The following ACTG2 variants were observed in gnomAD, a reference collection of about 807,000 sequenced individuals.
ACTG2 encodes actin, gamma-enteric smooth muscle.
A neutral mutation model predicts 37.6 loss-of-function variants in ACTG2; 16 were observed. The observed-to-expected ratio is 0.43, with a 90% CI of 0.29 to 0.65. The LOEUF (loss-of-function observed/expected upper bound fraction) is 0.65. Ranked by LOEUF, ACTG2 falls within the 30% of genes least tolerant of loss-of-function variation. The probability of loss-of-function intolerance (pLI) is 0.18; values close to 1 mark genes in which losing one functional copy is unlikely to be tolerated. For missense variants in ACTG2, 238 were observed against 490.9 expected (o/e 0.48, Z 4.87); for synonymous variants, 181 against 179.9 (o/e 1.01, Z -0.05).
At chr2:73,902,303 T>C (rs947812708) in intron 2 of ACTG2, 57 bp from the exon 3 acceptor site, 2 of 1,584,242 alleles carry the variant, frequency 1.3e-6, no homozygotes, top group African/African-American at 1.3e-5. Flanking sequence ...AGTGCCTGAA[T>C]CCCTCTGTGT....
intron 3 of ACTG2, among the ~76,000 whole-genome samples, chr2:73,907,864 A>G (rs1680046278): frequency 1.3e-5 from 2 of 152,214 alleles, no homozygotes; most frequent in South Asian, 4.1e-4. Context: ...CTAAAATGTC[A>G]TAGAGCTGCG....
intron 1 of ACTG2, among the ~76,000 whole-genome samples, chr2:73,897,818 C>T (rs1679782056): frequency 6.6e-6 from 1 of 152,162 alleles, no homozygotes; most frequent in Admixed American, 6.5e-5. Flanking sequence ...CTTGTTGCTG[C>T]ACCGTTACAT....
At chr2:73,900,496 C>G (rs1223195563) in intron 1 of ACTG2, among the ~76,000 whole-genome samples, 3 of 152,210 alleles carry the variant, frequency 2.0e-5, no homozygotes, top group Non-Finnish European at 4.4e-5. Context: ...CAGTTCGGAT[C>G]TCAGCATGGG....
intron 3 of ACTG2, among the ~76,000 whole-genome samples, chr2:73,905,145 G>A (rs1404971367): frequency 1.3e-5 from 2 of 152,040 alleles, no homozygotes; most frequent in Non-Finnish European, 2.9e-5. Context: ...CAACTGATTA[G>A]TTATTTTTGG....
At chr2:73,903,169 G>A (rs997352459) in intron 3 of ACTG2, 2 of 158,558 alleles carry the variant, frequency 1.3e-5, no homozygotes, top group African/African-American at 4.8e-5. Flanking sequence ...TGTGCAAAAT[G>A]TTAATAGAGC....
rs1679912093 is a variant in ACTG2, at chr2:73,902,456, G to A, written c.223G>A (p.Gly75Ser). 6.2e-7 allele frequency: 1 copy of A among 1,614,018 alleles called. No individual in the cohort carries two copies. Among genetic ancestry groups the A allele is most frequent in the Non-Finnish European group, 8.5e-7 (1 of 1,180,018 alleles). ...ILTLKYPIEHGIITNWDDMEK... is the reference protein window; with the variant it reads ...ILTLKYPIEHSIITNWDDMEK... ...AACTCTCAAATACCCCATTGAACAC[G>A]GCATCATCACCAACTGGGATGACAT... is the stretch of plus-strand genomic sequence containing the variant. Residue 75 changes from glycine to serine, a missense_variant, in exon 3 of 9, where the codon GGC becomes AGC. By Grantham distance (56) the Gly-to-Ser change is moderately conservative. Coordinates refer to ENST00000345517, the MANE Select transcript of ACTG2 (RefSeq NM_001615.4).
chr2:73,898,933 G>A (rs1679814822), intron 1 of ACTG2, among the ~76,000 whole-genome samples: 1 of 151,108 alleles, frequency 6.6e-6, no homozygotes, highest in Non-Finnish European at 1.5e-5. Flanking sequence ...CTCCCGAGTA[G>A]CTGGGACTAC....
At chr2:73,905,384 G>C (rs1022214686) in intron 3 of ACTG2, among the ~76,000 whole-genome samples, 4 of 151,956 alleles carry the variant, frequency 2.6e-5, no homozygotes, top group African/African-American at 9.7e-5. Context: ...AAATTTAAAA[G>C]CCAAATAACA....
rs1219427455 is a variant in ACTG2 at position 73,908,978 on chromosome 2, G to C, written c.367-77G>C. The C allele has an allele frequency of 2.1e-6, 3 of 1,443,340 alleles. No homozygotes were observed. The African/African-American group carries it at 4.2e-5, about 20-fold the overall frequency. The allele number at this position is 1,443,340 out of a possible 1,614,324, so 89.4% of individuals were successfully genotyped here. On this transcript the variant is annotated intron_variant, in intron 4 of 8. Transcript: ENST00000345517. ...CTGGCATAGTTCCTGCCCTTAATGA[G>C]ATTACAAACCATTCTACAGGCCAAG... is the stretch of plus-strand genomic sequence containing the variant.
chr2:73,900,906 T>G (rs139338921), intron 1 of ACTG2, among the ~76,000 whole-genome samples: 1 of 152,286 alleles, frequency 6.6e-6, no homozygotes, highest in East Asian at 1.9e-4. Flanking sequence ...ACCCTCTGCA[T>G]GCATCTGGAT....
In ACTG2 at chr2:73,914,040, C is replaced by T. The variant is rs1048438584; in HGVS notation, c.613+394C>T. Among the ~76,000 whole-genome samples, 11 of 152,256 alleles carry T rather than the reference C, an allele frequency of 7.2e-5. No individual in the cohort carries two copies. In the South Asian group the frequency reaches 1.7e-3, roughly 23 times the overall value. ...CAATCGGCATTTTTTAGGTGGGAGC[C>T]TCTCTAGGTTCTGTAAGATCAAACA... On this transcript the variant is annotated intron_variant, in intron 6 of 8. Coordinates refer to ENST00000345517, the MANE Select transcript of ACTG2 (RefSeq NM_001615.4).
chr2:73,913,052 C>A (rs1473683050), intron 5 of ACTG2, among the ~76,000 whole-genome samples: 1 of 151,376 alleles, frequency 6.6e-6, no homozygotes, highest in Non-Finnish European at 1.5e-5. Flanking sequence ...ACCTGTAATC[C>A]CAGCTACTCA....
intron 1 of ACTG2, among the ~76,000 whole-genome samples, chr2:73,898,083 A>C (rs188072011): frequency 8.5e-5 from 13 of 152,296 alleles, no homozygotes; most frequent in Non-Finnish European, 1.8e-4. Flanking sequence ...ACTCCATTTC[A>C]TAGAGAGAAA....
intron 8 of ACTG2, among the ~76,000 whole-genome samples, chr2:73,918,142 A>T (rs1426575973): frequency 2.6e-5 from 4 of 152,238 alleles, no homozygotes; most frequent in African/African-American, 9.6e-5. Context: ...AGGAAATAGA[A>T]GGAGCAAATG....
At chr2:73,910,249 C>T (rs947822496) in intron 5 of ACTG2, among the ~76,000 whole-genome samples, 3 of 150,338 alleles carry the variant, frequency 2.0e-5, no homozygotes, top group Non-Finnish European at 4.4e-5. Flanking sequence ...ATTCTTTCTT[C>T]AATAATAAAT....
At chr2:73,904,777 G>GTGTGTATATATATATA (rs1427483105) in intron 3 of ACTG2, among the ~76,000 whole-genome samples, 18 of 42,624 alleles carry the variant, frequency 4.2e-4, no homozygotes, top group Non-Finnish European at 6.6e-4. Context: ...GTGTGTGTGT[G>GTGTGTATATATATATA]TATATATATA....
chr2:73,910,496 CTTT>C (rs1207318059), intron 5 of ACTG2, among the ~76,000 whole-genome samples: 2 of 80,602 alleles, frequency 2.5e-5, no homozygotes, highest in African/African-American at 9.1e-5. Context: ...CCTCCCATGA[CTTT>C]TTTTTTTTTT....
Position 73,898,669 on chromosome 2 carries a change from C to G in ACTG2, c.-36-2607C>G, listed in dbSNP as rs148616482. Among the ~76,000 whole-genome samples the G allele has an allele frequency of 6.9e-3, 1,055 of 152,232 alleles. 12 individuals carry two copies. The highest frequency in any genetic ancestry group is 0.022 in the African/African-American group (916 of 41,556). ...TGCCAGCAAGGGTGGCCCCAAGAACCACACACAGTACCCCAGCTAAAGGCA... is the reference window on the plus strand; with the variant it reads ...TGCCAGCAAGGGTGGCCCCAAGAACGACACACAGTACCCCAGCTAAAGGCA... On this transcript the variant is annotated intron_variant, in intron 1 of 8. Coordinates refer to ENST00000345517, the MANE Select transcript of ACTG2 (RefSeq NM_001615.4).
intron 3 of ACTG2, among the ~76,000 whole-genome samples, chr2:73,903,958 AAC>A (rs1400876240): frequency 0.021 from 2,158 of 103,926 alleles, 57 homozygotes; most frequent in African/African-American, 0.057. Context: ...AAAAAAAAAA[AAC>A]AAAAAAAAAA....
Sources: allele counts gnomAD v4.1 joint callset (sites outside exome capture counted in the v4.1 genomes callset), GRCh38; gene constraint gnomAD v4.1.1; transcripts MANE v1.5; gene names NCBI Gene and HGNC (gene_info 2026-07-23, HGNC 2026-07-21).